Variants in IL1RAPL2 observed in about 807,000 individuals in gnomAD.
IL1RAPL2 encodes the protein interleukin 1 receptor accessory protein like 2.
A neutral mutation model predicts 44.1 loss-of-function variants in IL1RAPL2; 3 were observed. That is an observed-to-expected ratio of 0.07 (90% confidence interval 0.03 to 0.18). The LOEUF (loss-of-function observed/expected upper bound fraction) is 0.18, where lower values mean the gene tolerates loss of function less well. Ranked by LOEUF, IL1RAPL2 falls within the 10% of genes least tolerant of loss-of-function variation. The probability of loss-of-function intolerance (pLI) is 1.00; values close to 1 mark genes in which losing one functional copy is unlikely to be tolerated. For missense variants in IL1RAPL2, 391 were observed against 496.4 expected (o/e 0.79, Z 2.02); for synonymous variants, 181 against 178.8 (o/e 1.01, Z -0.10).
chrX:104,781,634 G>T (rs1453919096), intron 2 of IL1RAPL2, among the ~76,000 whole-genome samples: 1 of 111,622 alleles, frequency 9.0e-6, no homozygotes, highest in African/African-American at 3.3e-5. Flanking sequence ...CAGCCCATGG[G>T]AAGGAAAGAA....
At chrX:104,826,938 CTTTTT>C (rs1176113214) in intron 2 of IL1RAPL2, among the ~76,000 whole-genome samples, 16 of 34,854 alleles carry the variant, frequency 4.6e-4, no homozygotes, top group African/African-American at 7.7e-4. Flanking sequence ...GCAACCCCTG[CTTTTT>C]TTTTTTTTTT....
intron 6 of IL1RAPL2, among the ~76,000 whole-genome samples, chrX:105,506,242 A>G (rs928633231): frequency 9.0e-6 from 1 of 111,209 alleles, no homozygotes; most frequent in Non-Finnish European, 1.9e-5. Context: ...TGGTGGCTTA[A>G]AAGAACAATG....
chrX:105,358,529 A>C (rs1451336776), intron 5 of IL1RAPL2, among the ~76,000 whole-genome samples: 2 of 109,161 alleles, frequency 1.8e-5, no homozygotes, highest in Non-Finnish European at 3.8e-5. Flanking sequence ...TACAAAAATT[A>C]GCTTGGCATT....
intron 3 of IL1RAPL2, among the ~76,000 whole-genome samples, chrX:105,224,166 T>A (rs1556186013): frequency 9.1e-6 from 1 of 110,463 alleles, no homozygotes; most frequent in Non-Finnish European, 1.9e-5. Flanking sequence ...AGCAGATACC[T>A]TTAGGGATAG....
chrX:105,405,000 G>A (rs2035632406), intron 5 of IL1RAPL2, among the ~76,000 whole-genome samples: 1 of 111,477 alleles, frequency 9.0e-6, no homozygotes, highest in African/African-American at 3.3e-5. Context: ...TAAGACAGTA[G>A]TGTTTATTCT....
At chrX:105,497,489 A>G (rs1044818103) in intron 6 of IL1RAPL2, among the ~76,000 whole-genome samples, 1 of 112,098 alleles carries the variant, frequency 8.9e-6, no homozygotes, top group East Asian at 2.8e-4. Context: ...TGTTAATTAA[A>G]TTCATTAACA....
At chrX:105,759,288 G>T (rs1254490446) in intron 10 of IL1RAPL2, among the ~76,000 whole-genome samples, 1 of 111,870 alleles carries the variant, frequency 8.9e-6, no homozygotes, top group East Asian at 2.8e-4. Context: ...GTGCTGAAAG[G>T]TGCATATGCA....
intron 2 of IL1RAPL2, among the ~76,000 whole-genome samples, chrX:105,059,097 A>G (rs1295948423): frequency 8.9e-6 from 1 of 112,303 alleles, no homozygotes; most frequent in Non-Finnish European, 1.9e-5. Flanking sequence ...CACCTCTAGC[A>G]TTTATTCTTT....
chrX:105,691,577 A>G (rs1020761286), intron 6 of IL1RAPL2, among the ~76,000 whole-genome samples: 1 of 111,910 alleles, frequency 8.9e-6, no homozygotes, highest in African/African-American at 3.2e-5. Flanking sequence ...GCATAGTTCT[A>G]TTGCCACTTT....
At position 105,701,104 on chromosome X, in the gene IL1RAPL2, C is replaced by T. The variant is rs182911877; in HGVS notation, c.773-16263C>T. On this transcript the variant is annotated intron_variant, in intron 6 of 10. Transcript: ENST00000372582. The stretch of plus-strand genomic sequence containing the variant: ...ATGATGGGAAAAACTATCTGCTATT[C>T]CTCTTCCCCTGGGAGTTTAAAAATT... 2.0e-3 allele frequency among the ~76,000 whole-genome samples: 217 copies of T among 111,189 alleles called. 1 individual carries two copies. The highest frequency in any genetic ancestry group is 6.8e-3 in the African/African-American group (210 of 30,660).
intron 2 of IL1RAPL2, among the ~76,000 whole-genome samples, chrX:104,835,378 A>G (rs1342326377): frequency 1.8e-5 from 2 of 111,020 alleles, no homozygotes; most frequent in African/African-American, 6.5e-5. Context: ...AACTGATACT[A>G]TCAGGAAAAA....
intron 2 of IL1RAPL2, among the ~76,000 whole-genome samples, chrX:104,731,383 A>G (rs1320010277): frequency 9.0e-6 from 1 of 110,860 alleles, no homozygotes; most frequent in Non-Finnish European, 1.9e-5. Flanking sequence ...TCCATCTTGA[A>G]TTAATTTTTG....
intron 5 of IL1RAPL2, among the ~76,000 whole-genome samples, chrX:105,298,371 GT>G (rs1367329480): frequency 9.0e-6 from 1 of 110,607 alleles, no homozygotes; most frequent in Non-Finnish European, 1.9e-5. Context: ...GACAAGATTT[GT>G]TAATGAATTG....
chrX:105,674,913 T>A (rs1213140145), intron 6 of IL1RAPL2, among the ~76,000 whole-genome samples: 2 of 110,251 alleles, frequency 1.8e-5, no homozygotes, highest in African/African-American at 6.7e-5. Context: ...TTTTATTCTC[T>A]TTGTAGCAAT....
At position 105,219,698 on chromosome X, in the gene IL1RAPL2, C is replaced by T. The variant is rs370620805; in HGVS notation, c.357-14120C>T. Reference sequence around the variant, plus strand: ...GCTGCTCCTTCTGTGCAAACCCCTCCGGCAGTGGCCAGGCCTGGCCACCCT... The same window carrying T: ...GCTGCTCCTTCTGTGCAAACCCCTCTGGCAGTGGCCAGGCCTGGCCACCCT... On this transcript the variant is annotated intron_variant, in intron 3 of 10. Transcript: ENST00000372582. 5.8e-5 allele frequency: 70 copies of T among 1,207,455 alleles called. No individual in the cohort carries two copies. In the African/African-American group the frequency reaches 8.4e-4, roughly 14 times the overall value.
chrX:104,943,494 G>C lies in IL1RAPL2; in HGVS notation c.83-251981G>C, dbSNP rs1344289689. 6.3e-5 allele frequency among the ~76,000 whole-genome samples: 7 copies of C among 111,676 alleles called. 1 individual carries two copies. The East Asian group carries it at 2.0e-3, about 32-fold the overall frequency. ...CTAATCTGTCTTTTCTGTTTCTCCAGTTGAAATCTTTGAGTCACCTTGATT... is the reference window on the plus strand; with the variant it reads ...CTAATCTGTCTTTTCTGTTTCTCCACTTGAAATCTTTGAGTCACCTTGATT... On this transcript the variant is annotated intron_variant, in intron 2 of 10. Coordinates refer to ENST00000372582, the MANE Select transcript of IL1RAPL2 (RefSeq NM_017416.2).
rs370460431 is a variant in IL1RAPL2, at chrX:104,879,231, A to G, written c.82+220236A>G. Among the ~76,000 whole-genome samples the G allele has an allele frequency of 1.5e-3, 162 of 110,455 alleles. 1 individual carries two copies. The highest frequency in any genetic ancestry group is 4.9e-3 in the African/African-American group (148 of 30,327). ...TAGAATGGGGCATTGCCCTAAGGCA[A>G]TATCTCCAGATCAGTGAAAATTCTC... On this transcript the variant is annotated intron_variant, in intron 2 of 10. Transcript: ENST00000372582.
At chrX:104,715,733 GT>G (rs1931551462) in intron 2 of IL1RAPL2, among the ~76,000 whole-genome samples, 1 of 109,266 alleles carries the variant, frequency 9.2e-6, no homozygotes, top group Non-Finnish European at 1.9e-5. Flanking sequence ...AACTAGGGAG[GT>G]GAAAGAGCTC....
At chrX:104,937,197 G>GT (rs1359064065) in intron 2 of IL1RAPL2, among the ~76,000 whole-genome samples, 1 of 112,412 alleles carries the variant, frequency 8.9e-6, no homozygotes, top group African/African-American at 3.2e-5. Flanking sequence ...AAATGCTATT[G>GT]TAAGAAATGT....
Sources: allele counts gnomAD v4.1 joint callset (sites outside exome capture counted in the v4.1 genomes callset), GRCh38; gene constraint gnomAD v4.1.1; transcripts MANE v1.5; gene names NCBI Gene and HGNC (gene_info 2026-07-23, HGNC 2026-07-21).